Variants in LRMDA observed in about 807,000 individuals in gnomAD.
LRMDA encodes leucine-rich melanocyte differentiation-associated protein.
Under a neutral mutation model 29.8 loss-of-function variants are expected in LRMDA, and 18 were observed. That is an observed-to-expected ratio of 0.60 (90% CI 0.42 to 0.90). LRMDA has a LOEUF of 0.90. Ranked by LOEUF, LRMDA falls within the 40% of genes least tolerant of loss-of-function variation. The pLI is 0.00. For missense variants in LRMDA, 273 were observed against 273.9 expected, an observed-to-expected ratio of 1.00 and a Z score of 0.02; for synonymous variants, 125 against 109.4, an observed-to-expected ratio of 1.14 and a Z score of -0.89.
intron 1 of LRMDA, among the ~76,000 whole-genome samples, chr10:75,432,210 G>T (rs1382171101): frequency 3.3e-5 from 5 of 152,224 alleles, no homozygotes; most frequent in Admixed American, 2.0e-4. Context: ...GTAAATGGAG[G>T]AAGGGGTTTA....
Position 76,482,865 on chromosome 10 carries a change from C to T in LRMDA, c.602-74344C>T, listed in dbSNP as rs543686808. Among the ~76,000 whole-genome samples, 42 of 152,070 alleles carry T rather than the reference C, an allele frequency of 2.8e-4. 1 individual carries two copies. In the South Asian group the frequency reaches 8.7e-3, roughly 32 times the overall value. On this transcript the variant is annotated intron_variant, in intron 6 of 6. Transcript: ENST00000611255. ...CAATTCAGCAGCATATGAGAATTTT[C>T]GGTTTCTCCACATGCTCACTAATAC... is the stretch of plus-strand genomic sequence containing the variant.
intron 3 of LRMDA, among the ~76,000 whole-genome samples, chr10:76,042,681 A>G (rs921560323): frequency 6.6e-6 from 1 of 152,210 alleles, no homozygotes; most frequent in Non-Finnish European, 1.5e-5. Flanking sequence ...GCCTCTAGAG[A>G]AACTTTTTTC....
rs966322644 is a variant in LRMDA, at chr10:76,557,432, G to A, written c.*144G>A. On this transcript the variant is annotated 3_prime_UTR_variant, in exon 7 of 7. Transcript: ENST00000611255. ...ATGACTTCAGCTTTTGGTACCTTCCGCTGACTTTGCCAGGCCTGTCAAGAT... is the reference window on the plus strand; with the variant it reads ...ATGACTTCAGCTTTTGGTACCTTCCACTGACTTTGCCAGGCCTGTCAAGAT... 26 of 670,802 alleles carry A rather than the reference G, an allele frequency of 3.9e-5. No homozygotes were observed. Among genetic ancestry groups the A allele is most frequent in the Non-Finnish European group, 5.4e-5 (21 of 388,868 alleles). 41.6% of individuals were successfully genotyped at this position (670,802 alleles called of 1,614,324 possible).
chr10:76,307,413 A>G lies in LRMDA; in HGVS notation c.517-16988A>G, dbSNP rs145984665. Among the ~76,000 whole-genome samples the G allele has an allele frequency of 5.3e-5, 8 of 152,238 alleles. No homozygotes were observed. The South Asian group carries it at 1.5e-3, about 28-fold the overall frequency. On this transcript the variant is annotated intron_variant, in intron 5 of 6. Transcript: ENST00000611255. ...TCTGGGATGCAGTGAGGGGCTCCTG[A>G]AGACTTACACAGGAGGTCGTCTGCT...
intron 2 of LRMDA, among the ~76,000 whole-genome samples, chr10:75,575,036 C>T (rs1840485486): frequency 6.6e-6 from 1 of 152,162 alleles, no homozygotes; most frequent in Non-Finnish European, 1.5e-5. Context: ...CAGCACTTCA[C>T]ATGGCTGGAA....
At chr10:75,762,709 A>G (rs1337324233) in intron 2 of LRMDA, among the ~76,000 whole-genome samples, 1 of 152,224 alleles carries the variant, frequency 6.6e-6, no homozygotes, top group Non-Finnish European at 1.5e-5. Flanking sequence ...ATTGTTGGGG[A>G]CATTAAGTGA....
At chr10:76,285,523 A>G (rs950865426) in intron 5 of LRMDA, among the ~76,000 whole-genome samples, 1 of 152,140 alleles carries the variant, frequency 6.6e-6, no homozygotes, top group African/African-American at 2.4e-5. Flanking sequence ...AGACCCTCAC[A>G]TGTTTTCATG....
chr10:76,269,514 A>G (rs1421143032), intron 5 of LRMDA, among the ~76,000 whole-genome samples: 1 of 152,136 alleles, frequency 6.6e-6, no homozygotes, highest in Non-Finnish European at 1.5e-5. Context: ...TACATGATAT[A>G]TTGAGATGGA....
intron 2 of LRMDA, among the ~76,000 whole-genome samples, chr10:75,774,100 A>G (rs924644758): frequency 6.6e-6 from 1 of 152,232 alleles, no homozygotes; most frequent in Non-Finnish European, 1.5e-5. Context: ...TATGTCTTCC[A>G]GATCCTCTCC....
intron 5 of LRMDA, among the ~76,000 whole-genome samples, chr10:76,271,615 A>T (rs1331973497): frequency 1.3e-5 from 2 of 152,082 alleles, no homozygotes; most frequent in African/African-American, 4.8e-5. Flanking sequence ...CTATGATCTC[A>T]TTTTGGCCAG....
chr10:76,236,568 C>T (rs777042797), intron 5 of LRMDA, among the ~76,000 whole-genome samples: 4 of 152,270 alleles, frequency 2.6e-5, no homozygotes, highest in South Asian at 2.1e-4. Context: ...CACTTTGGCC[C>T]GCTCCCAGAC....
intron 5 of LRMDA, among the ~76,000 whole-genome samples, chr10:76,267,321 TA>T (rs1203402685): frequency 6.6e-6 from 1 of 152,176 alleles, no homozygotes; most frequent in African/African-American, 2.4e-5. Flanking sequence ...AAAATTGTGG[TA>T]AAAATATATA....
At chr10:75,551,058 G>T (rs1840136668) in intron 2 of LRMDA, among the ~76,000 whole-genome samples, 1 of 150,276 alleles carries the variant, frequency 6.7e-6, no homozygotes. Context: ...TTTAACCTGG[G>T]AAAATGTTTT....
chr10:76,133,911 C>T (rs780879986), intron 5 of LRMDA, among the ~76,000 whole-genome samples: 3 of 152,170 alleles, frequency 2.0e-5, no homozygotes, highest in Non-Finnish European at 2.9e-5. Context: ...CCCACAGGGA[C>T]GAGCTTGGGT....
intron 2 of LRMDA, among the ~76,000 whole-genome samples, chr10:75,564,073 G>C (rs535599781): frequency 1.3e-5 from 2 of 152,326 alleles, no homozygotes; most frequent in African/African-American, 2.4e-5. Context: ...CTGTCAGACA[G>C]GGACATTTAA....
chr10:75,840,172 A>T (rs1286629682), intron 2 of LRMDA, among the ~76,000 whole-genome samples: 4 of 152,002 alleles, frequency 2.6e-5, no homozygotes, highest in Non-Finnish European at 4.4e-5. Context: ...CTTTGCTAGC[A>T]TAGATCTTGG....
chr10:76,003,831 G>C (rs552954750), intron 2 of LRMDA, among the ~76,000 whole-genome samples: 49 of 152,302 alleles, frequency 3.2e-4, no homozygotes, highest in African/African-American at 1.1e-3. Context: ...GTGGCTTAGG[G>C]AGATGAAGAA....
intron 2 of LRMDA, among the ~76,000 whole-genome samples, chr10:75,476,097 C>G (rs1014043004): frequency 2.0e-5 from 3 of 152,196 alleles, no homozygotes; most frequent in Non-Finnish European, 4.4e-5. Context: ...GGAGGCCAAG[C>G]CTTTCAGGAG....
At chr10:75,684,062 A>C (rs75102693) in intron 2 of LRMDA, among the ~76,000 whole-genome samples, 4,616 of 152,336 alleles carry the variant, frequency 0.03, 247 homozygotes, top group African/African-American at 0.1. Context: ...CCTGTGCCCC[A>C]GAAATCAGTG....
Sources: gnomAD v4.1 joint callset for allele counts (sites outside exome capture counted in the v4.1 genomes callset) on GRCh38, gnomAD v4.1.1 for gene constraint, MANE v1.5 for transcripts, NCBI Gene and HGNC (gene_info 2026-07-23, HGNC 2026-07-21) for gene names.